Variants in VARS1 observed in about 807,000 individuals in gnomAD.
The protein encoded by VARS1 is valyl-tRNA synthetase 1, also known as valine--tRNA ligase.
VARS1 carries 92 observed loss-of-function variants against 161.0 expected under a neutral mutation model. The observed-to-expected ratio is 0.57, with a 90% CI of 0.48 to 0.68. The LOEUF is 0.68. VARS1 is among the 30% of genes least tolerant of loss of function. The pLI, the probability that VARS1 is intolerant of heterozygous loss-of-function variation, is 0.00. For synonymous variants in VARS1, 595 were observed against 682.5 expected, an observed-to-expected ratio of 0.87 and a Z score of 2.00; for missense variants, 1,338 against 1,695.9, an observed-to-expected ratio of 0.79 and a Z score of 3.71.
In VARS1 at chr6:31,781,723, A is replaced by C; in HGVS notation, c.2386T>G (p.Phe796Val). 1.2e-6 allele frequency: 2 copies of C among 1,613,064 alleles called. No individual in the cohort carries two copies. The highest frequency in any genetic ancestry group is 1.7e-6 in the Non-Finnish European group (2 of 1,180,010). ...GGCCAGCCCAAAATGGATAAGGGGA[A>C]GAGGCCAGAGGAGAACCAGGTATCC... ...VLDTWFSSGL[F>V]PLSILGWPNQ... is the part of the protein sequence containing the mutation. The change falls in exon 20 of 30, where the codon TTC (phenylalanine) becomes GTC (valine). Residue 796 changes from phenylalanine (F) to valine (V), a missense_variant. By Grantham distance (50) the Phe-to-Val change is conservative. Around this residue, in one of 3 missense-constraint regions of VARS1, gnomAD observed 902 missense variants for 1,090.3 expected, o/e 0.83. Transcript: ENST00000375663. The surrounding 1 kb of genome is among the most constrained non-coding windows in gnomAD (Gnocchi z 6.8).
At position 31,792,506 on chromosome 6, in the gene VARS1, A is replaced by C. The variant is rs746054620; in HGVS notation, c.672T>G (p.Ala224=). 6.2e-7 allele frequency: 1 copy of C among 1,613,748 alleles called. No individual in the cohort carries two copies. Among genetic ancestry groups the C allele is most frequent in the South Asian group, 1.1e-5 (1 of 91,052 alleles). Residue 224 remains alanine, a synonymous_variant, in exon 5 of 30, where the codon GCT becomes GCG. Transcript: ENST00000375663. ...RPLSHQPGPE[A]PALPKTAAQL... is the part of the protein sequence containing the mutation. The stretch of plus-strand genomic sequence containing the variant: ...GAGCAGCTGTCTTTGGGAGGGCAGG[A>C]GCCTCGGGGCCTAGAGAGAGGTGCA...
intron 8 of VARS1, among the ~76,000 whole-genome samples, chr6:31,788,138 T>A (rs1490804377): frequency 6.7e-6 from 1 of 148,236 alleles, no homozygotes; most frequent in Non-Finnish European, 1.5e-5. Context: ...AAAAAAAAAT[T>A]GAAAAATTGA....
rs1190134828 is a variant in VARS1 at position 31,795,080 on chromosome 6, C to T, written c.138G>A (p.Pro46=). The T allele has an allele frequency of 1.0e-5, 15 of 1,505,214 alleles. No individual in the cohort carries two copies. Among genetic ancestry groups the T allele is most frequent in the Non-Finnish European group, 1.3e-5 (15 of 1,123,014 alleles). 93.2% of individuals were successfully genotyped at this position (1,505,214 alleles called of 1,614,324 possible). The change falls in exon 2 of 30, where the codon CCG becomes CCA. Residue 46 remains proline (P), a synonymous_variant. Transcript: ENST00000375663. The surrounding 1 kb of genome is among the most constrained non-coding windows in gnomAD (Gnocchi z 6.9). ...GTGGGGGAAAGGGAGTCCTGCTAGT[C>T]GGGGGTGGCTGGAGACAGATGCGGG... The part of the protein sequence containing the change: ...AHPRICLQPP[P]TSRTPFPPPR...
At position 31,780,126 on chromosome 6, in the gene VARS1, G is replaced by C. The variant is rs1371966979; in HGVS notation, c.2953C>G (p.Arg985Gly). 1 of 1,613,968 alleles carries C rather than the reference G, an allele frequency of 6.2e-7. No individual in the cohort carries two copies. Residue 985 changes from arginine to glycine, a missense_variant, in exon 26 of 30, where the codon CGC becomes GGC. This residue lies in a region of VARS1 where 433 missense variants were observed against 586.2 expected (regional missense o/e 0.74). Coordinates refer to ENST00000375663, the MANE Select transcript of VARS1 (RefSeq NM_006295.3). This position sits in a 1 kb window ranked among gnomAD's most constrained non-coding sequence, Gnocchi z 5.1. The stretch of plus-strand genomic sequence containing the variant: ...TCTGTCAGGCGGCTGCGGATCCAGC[G>C]GTCCACCAGGCTCTCATGGCCTCCG... ...QPGGHESLVD[R>G]WIRSRLTEAV...
intron 2 of VARS1, among the ~76,000 whole-genome samples, chr6:31,793,828 C>T (rs1000403325): frequency 2.0e-5 from 3 of 151,998 alleles, no homozygotes; most frequent in East Asian, 3.9e-4. Context: ...AGGGGCCAGG[C>T]GTGGTGGCTC....
In VARS1 at chr6:31,782,236, C is replaced by A. The variant is rs371154394; in HGVS notation, c.2150+49G>T. On this transcript the variant is annotated intron_variant, in intron 17 of 29. Transcript: ENST00000375663. This position sits in a 1 kb window ranked among gnomAD's most constrained non-coding sequence, Gnocchi z 8.3. ...CCTGATGGAGCCTGGCCCGAGTGAG[C>A]CCTGCTCAGCCCTCGGCAAGCCCCT... 1.4e-4 allele frequency: 224 copies of A among 1,610,136 alleles called. 3 individuals are homozygous for A. The highest frequency in any genetic ancestry group is 8.3e-4 in the Middle Eastern group (5 of 6,052).
chr6:31,779,729 C>T lies in VARS1; in HGVS notation c.3167G>A (p.Gly1056Asp). ...RQTLYTCLDV[G>D]LRLLSPFMPF... ...CATGAAGGGTGAGAGCAGCCGCAGG[C>T]CAACGTCCAGGCAAGTGTACAGGGT... Residue 1056 changes from glycine to aspartate, a missense_variant, in exon 27 of 30, where the codon GGC becomes GAC. Physicochemically the swap from Gly to Asp is moderately conservative, Grantham distance 94 (BLOSUM62 -1). Coordinates refer to ENST00000375663, the MANE Select transcript of VARS1 (RefSeq NM_006295.3). The surrounding 1 kb of genome is among the most constrained non-coding windows in gnomAD (Gnocchi z 9.1). 1 of 1,613,012 alleles carries T rather than the reference C, an allele frequency of 6.2e-7. No individual in the cohort carries two copies. The highest frequency in any genetic ancestry group is 8.5e-7 in the Non-Finnish European group (1 of 1,180,012).
rs2151415582 is a variant in VARS1, at chr6:31,778,459, C to T, written c.3726+508G>A. On this transcript the variant is annotated intron_variant, in intron 29 of 29. Coordinates refer to ENST00000375663, the MANE Select transcript of VARS1 (RefSeq NM_006295.3). The surrounding 1 kb of genome is among the most constrained non-coding windows in gnomAD (Gnocchi z 5.1). The stretch of plus-strand genomic sequence containing the variant: ...TGGGCTCCATGCTCCCCAGTGGATT[C>T]CCCAGGGTTGGGTACAGAGTCCAGC... Among the ~76,000 whole-genome samples, 1 of 152,274 alleles carries T rather than the reference C, an allele frequency of 6.6e-6. No homozygotes were observed. Among genetic ancestry groups the T allele is most frequent in the South Asian group, 2.1e-4 (1 of 4,822 alleles).
chr6:31,791,571 G>C lies in VARS1; in HGVS notation c.1100+39C>G. On this transcript the variant is annotated intron_variant, in intron 8 of 29. Transcript: ENST00000375663. This position sits in a 1 kb window ranked among gnomAD's most constrained non-coding sequence, Gnocchi z 5.0. ...CAGGGAAAAGGAGAGAGCCAGACTA[G>C]GCAGAGGGAACCAGAGGAAGGTGCA... 6.3e-7 allele frequency: 1 copy of C among 1,581,028 alleles called. No homozygotes were observed.
rs1813847213 is a variant in VARS1 at position 31,791,261 on chromosome 6, C to T, written c.1100+349G>A. 6.6e-6 allele frequency among the ~76,000 whole-genome samples: 1 copy of T among 152,050 alleles called. No homozygotes were observed. Among genetic ancestry groups the T allele is most frequent in the African/African-American group, 2.4e-5 (1 of 41,356 alleles). ...GTGTGGTGCCTCACACCTATAATCC[C>T]AGCACTCTGGGAGTCTGAGACAGGA... On this transcript the variant is annotated intron_variant, in intron 8 of 29. Coordinates refer to ENST00000375663, the MANE Select transcript of VARS1 (RefSeq NM_006295.3). The surrounding 1 kb of genome is among the most constrained non-coding windows in gnomAD (Gnocchi z 5.0).
At chr6:31,787,143 C>T (rs1813561556) in intron 8 of VARS1, among the ~76,000 whole-genome samples, 1 of 151,746 alleles carries the variant, frequency 6.6e-6, no homozygotes, top group African/African-American at 2.4e-5. Flanking sequence ...TGAGGCTGCA[C>T]CAAGCTATGA....
chr6:31,792,105 A>G, intron 6 of VARS1, 112 bp downstream of exon 6: 1 of 1,472,486 alleles, frequency 6.8e-7, no homozygotes. Context: ...GAGGCAGGGC[A>G]GGGGGTCTGC....
At position 31,782,049 on chromosome 6, in the gene VARS1, C is replaced by G. The variant is rs777712330; in HGVS notation, c.2241+38G>C. On this transcript the variant is annotated intron_variant, in intron 18 of 29. Transcript: ENST00000375663. The surrounding 1 kb of genome is among the most constrained non-coding windows in gnomAD (Gnocchi z 8.3). ...GGACCCAGTAAACCCACCACTCCAG[C>G]AGGGTGTCCCAGCAGCTAGCTCTGG... 1 of 1,612,316 alleles carries G rather than the reference C, an allele frequency of 6.2e-7. No individual in the cohort carries two copies. Among genetic ancestry groups the G allele is most frequent in the Non-Finnish European group, 8.5e-7 (1 of 1,179,018 alleles).
At chr6:31,787,593 C>T (rs553664099) in intron 8 of VARS1, among the ~76,000 whole-genome samples, 2 of 151,598 alleles carry the variant, frequency 1.3e-5, no homozygotes, top group East Asian at 2.0e-4. Context: ...TGCAGTGAGA[C>T]GAGATCGCGT....
intron 8 of VARS1, among the ~76,000 whole-genome samples, chr6:31,789,731 C>G (rs1813740823): frequency 6.6e-6 from 1 of 152,162 alleles, no homozygotes; most frequent in African/African-American, 2.4e-5. Context: ...ATAAAATACA[C>G]TAACACTGGC....
chr6:31,780,174 C>T lies in VARS1; in HGVS notation c.2926-21G>A. ...CCGGGCTTGGGGAGAGAGGGTGTAT[C>T]AGCCGGCGGGCCAGGGGAGGGTGCC... On this transcript the variant is annotated intron_variant, in intron 25 of 29. Coordinates refer to ENST00000375663, the MANE Select transcript of VARS1 (RefSeq NM_006295.3). The surrounding 1 kb of genome is among the most constrained non-coding windows in gnomAD (Gnocchi z 5.1). The T allele has an allele frequency of 6.2e-7, 1 of 1,611,858 alleles. No individual in the cohort carries two copies. Among genetic ancestry groups the T allele is most frequent in the East Asian group, 2.2e-5 (1 of 44,866 alleles).
Position 31,792,752 on chromosome 6 carries a change from C to T in VARS1, c.661+5G>A, listed in dbSNP as rs1478073918. 4 of 1,614,136 alleles carry T rather than the reference C, an allele frequency of 2.5e-6. No individual in the cohort carries two copies. The highest frequency in any genetic ancestry group is 2.5e-6 in the Non-Finnish European group (3 of 1,179,990). The stretch of plus-strand genomic sequence containing the variant: ...CCTATCCTCCAACTCCTCGCCCTTC[C>T]TCACCTGGCTGATGAGAGAGAGGCC... On this transcript the variant is annotated splice_donor_5th_base_variant and intron_variant, in intron 4 of 29. Transcript: ENST00000375663.
rs758156134 is a variant in VARS1 at position 31,779,603 on chromosome 6, C to T, written c.3288+5G>A. On this transcript the variant is annotated splice_donor_5th_base_variant and intron_variant, in intron 27 of 29. Coordinates refer to ENST00000375663, the MANE Select transcript of VARS1 (RefSeq NM_006295.3). This position sits in a 1 kb window ranked among gnomAD's most constrained non-coding sequence, Gnocchi z 9.1. ...TCAGACTCCCCTCTCCAGGCCATGCCATACCTCTGAGGGCTCCGGGTAGGG... is the reference window on the plus strand; with the variant it reads ...TCAGACTCCCCTCTCCAGGCCATGCTATACCTCTGAGGGCTCCGGGTAGGG... 7 of 1,611,974 alleles carry T rather than the reference C, an allele frequency of 4.3e-6. No homozygotes were observed. The highest frequency in any genetic ancestry group is 5.9e-6 in the Non-Finnish European group (7 of 1,179,480).
At chr6:31,788,450 G>A (rs183370125) in intron 8 of VARS1, among the ~76,000 whole-genome samples, 72 of 150,140 alleles carry the variant, frequency 4.8e-4, no homozygotes, top group African/African-American at 1.4e-3. Context: ...CAGTAAGCGC[G>A]CATCACTGCA....
Sources: gnomAD v4.1 joint callset for allele counts (sites outside exome capture counted in the v4.1 genomes callset) on GRCh38, gnomAD v4.1.1 for gene constraint, gnomAD v4.1.1 regional missense constraint, Gnocchi (gnomAD v3.1) non-coding constraint, MANE v1.5 for transcripts, NCBI Gene and HGNC (gene_info 2026-07-23, HGNC 2026-07-21) for gene names.